The following ANKS1B variants were observed in gnomAD, a reference collection of about 807,000 sequenced individuals.
ANKS1B encodes the protein ankyrin repeat and sterile alpha motif domain-containing protein 1B.
ANKS1B carries 36 observed loss-of-function variants against 148.3 expected under a neutral mutation model. That is an observed-to-expected ratio of 0.24 (90% CI 0.19 to 0.32). The LOEUF (loss-of-function observed/expected upper bound fraction) is 0.32, where lower values mean the gene tolerates loss of function less well. Ranked by LOEUF, ANKS1B falls within the 10% of genes least tolerant of loss-of-function variation. The pLI, the probability that ANKS1B is intolerant of heterozygous loss-of-function variation, is 1.00. For missense variants in ANKS1B, 1,157 were observed against 1,542.6 expected (o/e 0.75, Z 4.19); for synonymous variants, 542 against 560.8 (o/e 0.97, Z 0.47).
At chr12:99,321,317 G>C (rs1183213487) in intron 12 of ANKS1B, among the ~76,000 whole-genome samples, 1 of 152,232 alleles carries the variant, frequency 6.6e-6, no homozygotes, top group Non-Finnish European at 1.5e-5. Flanking sequence ...AGTCCACAGA[G>C]GCAGGCAGGC....
At chr12:99,527,883 CAAA>C (rs56298024) in intron 9 of ANKS1B, among the ~76,000 whole-genome samples, 1 of 139,408 alleles carries the variant, frequency 7.2e-6, no homozygotes, top group Non-Finnish European at 1.6e-5. Context: ...CATATGGGAC[CAAA>C]AAAAAAAAAA....
intron 9 of ANKS1B, among the ~76,000 whole-genome samples, chr12:99,560,759 G>C (rs1003551062): frequency 6.6e-6 from 1 of 151,054 alleles, no homozygotes. Context: ...GGAGGGTCTT[G>C]CCTCAGTATT....
intron 25 of ANKS1B, among the ~76,000 whole-genome samples, chr12:98,761,150 T>G (rs1433970799): frequency 1.3e-5 from 2 of 152,204 alleles, no homozygotes; most frequent in Admixed American, 6.5e-5. Context: ...AGATCTGACT[T>G]CAGATTAGCC....
chr12:99,767,121 G>A (rs1380188021), intron 8 of ANKS1B, among the ~76,000 whole-genome samples: 1 of 151,922 alleles, frequency 6.6e-6, no homozygotes, highest in Non-Finnish European at 1.5e-5. Context: ...ATCCTTCAAG[G>A]TAAATCTTGA....
chr12:98,873,062 TG>T (rs1442038878), intron 17 of ANKS1B, among the ~76,000 whole-genome samples: 1 of 152,216 alleles, frequency 6.6e-6, no homozygotes, highest in Non-Finnish European at 1.5e-5. Flanking sequence ...CCTTGTTGCC[TG>T]GAAAACTCAT....
At chr12:99,592,152 G>A (rs2097709240) in intron 9 of ANKS1B, among the ~76,000 whole-genome samples, 1 of 151,990 alleles carries the variant, frequency 6.6e-6, no homozygotes, top group Non-Finnish European at 1.5e-5. Context: ...CTAGAAACAA[G>A]ATTTTCTCTA....
intron 8 of ANKS1B, 132 bp downstream of exon 8, chr12:99,772,790 A>G: frequency 1.1e-6 from 1 of 947,186 alleles, no homozygotes; most frequent in Non-Finnish European, 1.5e-6. Flanking sequence ...AACGTCAGGA[A>G]AAGAGCAATA....
At chr12:99,369,296 A>C (rs1287981181) in intron 12 of ANKS1B, among the ~76,000 whole-genome samples, 1 of 152,208 alleles carries the variant, frequency 6.6e-6, no homozygotes, top group African/African-American at 2.4e-5. Context: ...GGTTATAAAA[A>C]GTACAGGTAT....
chr12:99,530,860 A>T, intron 9 of ANKS1B, among the ~76,000 whole-genome samples: 1 of 152,320 alleles, frequency 6.6e-6, no homozygotes, highest in South Asian at 2.1e-4. Flanking sequence ...TTGTTGAATA[A>T]AAATATGAAT....
intron 9 of ANKS1B, among the ~76,000 whole-genome samples, chr12:99,606,241 C>T (rs1382361335): frequency 1.3e-5 from 2 of 151,854 alleles, no homozygotes; most frequent in African/African-American, 4.8e-5. Flanking sequence ...TTATTAACCC[C>T]TTGTCAGATG....
chr12:99,299,397 T>C (rs2081314685), intron 12 of ANKS1B, among the ~76,000 whole-genome samples: 1 of 152,154 alleles, frequency 6.6e-6, no homozygotes, highest in South Asian at 2.1e-4. Context: ...AGCTTGTGAG[T>C]TAATATGAAA....
intron 8 of ANKS1B, among the ~76,000 whole-genome samples, chr12:99,688,666 G>A (rs1184792068): frequency 6.6e-6 from 1 of 151,916 alleles, no homozygotes; most frequent in African/African-American, 2.4e-5. Flanking sequence ...ACAAGACTTG[G>A]TCTCTAGAAA....
At chr12:99,210,119 C>T (rs900370252) in intron 14 of ANKS1B, among the ~76,000 whole-genome samples, 9 of 152,182 alleles carry the variant, frequency 5.9e-5, no homozygotes, top group Admixed American at 2.0e-4. Flanking sequence ...AGCTACTTTT[C>T]GTGTTTCTTT....
At chr12:99,776,886 T>C (rs1365509350) in intron 6 of ANKS1B, among the ~76,000 whole-genome samples, 1 of 152,104 alleles carries the variant, frequency 6.6e-6, no homozygotes, top group Non-Finnish European at 1.5e-5. Flanking sequence ...GGTTTCACCA[T>C]GTTCGCCAGG....
intron 18 of ANKS1B, among the ~76,000 whole-genome samples, chr12:98,830,714 TG>T (rs1049615034): frequency 2.0e-5 from 3 of 152,018 alleles, no homozygotes; most frequent in Admixed American, 2.0e-4. Context: ...GAGAGCAGAG[TG>T]GGCACCCCAC....
At chr12:99,127,842 C>T (rs1259315825) in intron 15 of ANKS1B, among the ~76,000 whole-genome samples, 2 of 152,180 alleles carry the variant, frequency 1.3e-5, no homozygotes, top group Non-Finnish European at 2.9e-5. Flanking sequence ...TTTGCCTCCA[C>T]AAATTAGACT....
intron 8 of ANKS1B, among the ~76,000 whole-genome samples, chr12:99,662,316 T>C (rs2098481603): frequency 6.6e-6 from 1 of 152,286 alleles, no homozygotes; most frequent in South Asian, 2.1e-4. Context: ...GCTTTTCTAA[T>C]AGCAATTATC....
intron 10 of ANKS1B, among the ~76,000 whole-genome samples, chr12:99,448,450 T>C (rs1407304409): frequency 6.6e-6 from 1 of 152,072 alleles, no homozygotes; most frequent in Non-Finnish European, 1.5e-5. Flanking sequence ...GGGGAGATGT[T>C]GGTCAAAGGA....
chr12:98,999,531 T>C (rs1024695461), intron 17 of ANKS1B, among the ~76,000 whole-genome samples: 1 of 152,202 alleles, frequency 6.6e-6, no homozygotes, highest in African/African-American at 2.4e-5. Flanking sequence ...TTTATGTTTT[T>C]GCAAAAGGTT....
Sources: allele counts gnomAD v4.1 joint callset (sites outside exome capture counted in the v4.1 genomes callset), GRCh38; gene constraint gnomAD v4.1.1; transcripts MANE v1.5; gene names NCBI Gene and HGNC (gene_info 2026-07-23, HGNC 2026-07-21).